Variants in CHD1L observed in about 807,000 individuals in gnomAD.
The protein encoded by CHD1L is ATP-dependent chromatin remodeler CHD1L.
Under a neutral mutation model 115.9 loss-of-function variants are expected in CHD1L, and 118 were observed. That is an observed-to-expected ratio of 1.02 (90% CI 0.88 to 1.19). The LOEUF is 1.19. Ranked by LOEUF, CHD1L falls within the 50% of genes most tolerant of loss-of-function variation. The pLI is 0.00. For synonymous variants in CHD1L, 411 were observed against 387.1 expected (o/e 1.06, Z -0.72); for missense variants, 1,179 against 1,065.3 (o/e 1.11, Z -1.49).
chr1:147,227,690 A>C, the CHD1L span, among the ~76,000 whole-genome samples: 5 of 152,232 alleles, frequency 3.3e-5, no homozygotes, highest in Admixed American at 6.5e-5. Flanking sequence ...GTGAGAAATA[A>C]GAACAACTAA....
At chr1:147,235,087 C>CTGTGTGTGTGTGTGTGTGTGTGTGTG in the CHD1L span, among the ~76,000 whole-genome samples, 5 of 146,080 alleles carry the variant, frequency 3.4e-5, no homozygotes, top group East Asian at 2.1e-4. Flanking sequence ...ATATCCCACA[C>CTGTGTGTGTGTGTGTGTGTGTGTGTG]TGTGTGTGTG....
At chr1:147,203,887 A>G in the CHD1L span, 4 of 1,578,600 alleles carry the variant, frequency 2.5e-6, no homozygotes, top group Admixed American at 1.7e-5. Context: ...AGAGGTAAAC[A>G]CTGTCTCAGT....
intron 8 of CHD1L, among the ~76,000 whole-genome samples, chr1:147,266,489 A>T (rs587759770): frequency 2.0e-5 from 3 of 152,356 alleles, no homozygotes; most frequent in African/African-American, 7.2e-5. Flanking sequence ...ATAATTCATA[A>T]ATTTTAAATC....
chr1:147,206,473 T>C, the CHD1L span, among the ~76,000 whole-genome samples: 3 of 152,212 alleles, frequency 2.0e-5, no homozygotes, highest in Non-Finnish European at 4.4e-5. Context: ...CGTATGTTTA[T>C]TGCGGCACTA....
chr1:147,237,643 C>G, the CHD1L span, among the ~76,000 whole-genome samples: 1 of 152,174 alleles, frequency 6.6e-6, no homozygotes, highest in Non-Finnish European at 1.5e-5. Context: ...GGCATCATGA[C>G]AGCAGCTGCT....
the CHD1L span, among the ~76,000 whole-genome samples, chr1:147,193,045 C>T: frequency 2.3e-4 from 35 of 152,118 alleles, no homozygotes. Flanking sequence ...GGGAAGATTC[C>T]TTCTTTTTCT....
the CHD1L span, among the ~76,000 whole-genome samples, chr1:147,228,074 A>G: frequency 6.6e-6 from 1 of 151,618 alleles, no homozygotes; most frequent in Non-Finnish European, 1.5e-5. Context: ...TTAGTTACAT[A>G]TGCATACATG....
intron 5 of CHD1L, among the ~76,000 whole-genome samples, chr1:147,258,504 CA>C (rs1670844255): frequency 6.6e-6 from 1 of 152,212 alleles, no homozygotes. Context: ...TGTGCAACTT[CA>C]ACTGGACCTT....
chr1:147,185,634 T>G, the CHD1L span, among the ~76,000 whole-genome samples: 3,977 of 152,316 alleles, frequency 0.026, 87 homozygotes, highest in Non-Finnish European at 0.039. Flanking sequence ...GGAAAGATAA[T>G]ACTCTCTAAT....
At chr1:147,226,975 G>T in the CHD1L span, among the ~76,000 whole-genome samples, 7 of 151,916 alleles carry the variant, frequency 4.6e-5, no homozygotes, top group Admixed American at 2.0e-4. Context: ...GACTACAGCT[G>T]TGTGCCACCA....
At chr1:147,212,751 T>C in the CHD1L span, among the ~76,000 whole-genome samples, 33 of 152,332 alleles carry the variant, frequency 2.2e-4, 1 homozygote, top group Non-Finnish European at 1.8e-4. Context: ...ATATGTACTT[T>C]GCTTAACTCA....
chr1:147,175,756 A>G, the CHD1L span: 3 of 152,094 alleles, frequency 2.0e-5, no homozygotes, highest in South Asian at 2.1e-4. Context: ...CATCTGGTGA[A>G]TCAATAATTA....
In CHD1L at chr1:147,281,184, C is replaced by T. The variant is rs1680708680; in HGVS notation, c.1705+993C>T. On this transcript the variant is annotated intron_variant, in intron 15 of 22. Transcript: ENST00000369258. ...CTGGCTGCATGTATTTTCATACCTT[C>T]CCTTCTGTTCAGTTCCTTAGTAGCC... 2.6e-5 allele frequency among the ~76,000 whole-genome samples: 4 copies of T among 152,320 alleles called. 1 individual carries two copies. The highest frequency in any genetic ancestry group is 4.1e-4 in the South Asian group (2 of 4,826).
At chr1:147,267,086 G>A (rs1262320798) in intron 8 of CHD1L, among the ~76,000 whole-genome samples, 1 of 152,178 alleles carries the variant, frequency 6.6e-6, no homozygotes, top group Non-Finnish European at 1.5e-5. Flanking sequence ...AATTGGAAGT[G>A]ACAAGGGAAA....
chr1:147,280,013 TC>T lies in CHD1L; in HGVS notation c.1540-11del. On this transcript the variant is annotated splice_polypyrimidine_tract_variant and intron_variant, in intron 14 of 22. Transcript: ENST00000369258. Reference sequence around the variant, plus strand: ...TGAGAATTTGCTGGACTTTTTTGTTTCCTCTATTCAAGTTGAGTGAGATACT... The same window carrying T: ...TGAGAATTTGCTGGACTTTTTTGTTTCTCTATTCAAGTTGAGTGAGATACT... 1 of 1,613,510 alleles carries T rather than the reference TC, an allele frequency of 6.2e-7. No homozygotes were observed. Among genetic ancestry groups the T allele is most frequent in the Non-Finnish European group, 8.5e-7 (1 of 1,179,970 alleles).
chr1:147,253,040 A>C (rs1483539296), intron 2 of CHD1L, among the ~76,000 whole-genome samples: 1 of 152,120 alleles, frequency 6.6e-6, no homozygotes, highest in East Asian at 1.9e-4. Flanking sequence ...GTTTTGCTAA[A>C]ATTTTGTTTA....
At chr1:147,221,646 C>G in the CHD1L span, among the ~76,000 whole-genome samples, 6 of 152,122 alleles carry the variant, frequency 3.9e-5, no homozygotes, top group African/African-American at 1.4e-4. Flanking sequence ...CTGATAAATG[C>G]AAGTCTGTAT....
the CHD1L span, among the ~76,000 whole-genome samples, chr1:147,222,537 CT>C: frequency 6.6e-6 from 1 of 152,160 alleles, no homozygotes; most frequent in East Asian, 1.9e-4. Context: ...AATAGAAACT[CT>C]CTTTGAACTG....
the CHD1L span, among the ~76,000 whole-genome samples, chr1:147,229,849 G>A: frequency 1.3e-5 from 2 of 151,770 alleles, no homozygotes; most frequent in Non-Finnish European, 2.9e-5. Context: ...TGATTTTTGT[G>A]CATTGATTTT....
Sources: allele counts gnomAD v4.1 joint callset (sites outside exome capture counted in the v4.1 genomes callset), GRCh38; gene constraint gnomAD v4.1.1; transcripts MANE v1.5; gene names NCBI Gene and HGNC (gene_info 2026-07-23, HGNC 2026-07-21).